Variants in SDR9C7 observed in about 807,000 individuals in gnomAD.
SDR9C7 encodes short chain dehydrogenase/reductase family 9C member 7.
Under a neutral mutation model 23.6 loss-of-function variants are expected in SDR9C7, and 11 were observed. The ratio of observed to expected loss-of-function variants is 0.47; its 90% CI spans 0.29 to 0.77. The LOEUF is 0.77. Ranked by LOEUF, SDR9C7 falls within the 30% of genes least tolerant of loss-of-function variation. The pLI is 0.09. For missense variants in SDR9C7, 387 were observed against 407.1 expected, an observed-to-expected ratio of 0.95 and a Z score of 0.42; for synonymous variants, 167 against 157.3, an observed-to-expected ratio of 1.06 and a Z score of -0.46.
Position 56,923,533 on chromosome 12 carries a change from C to T in SDR9C7, c.*300G>A, listed in dbSNP as rs1955711900. ...CAGGAGCTGGTTTTCTTCTCCATGACTTTTCCAGGACCAGAAAAAGCTGTA... is the reference window on the plus strand; with the variant it reads ...CAGGAGCTGGTTTTCTTCTCCATGATTTTTCCAGGACCAGAAAAAGCTGTA... On this transcript the variant is annotated 3_prime_UTR_variant, in exon 4 of 4. Coordinates refer to ENST00000293502, the MANE Select transcript of SDR9C7 (RefSeq NM_148897.3). 2 of 236,436 alleles carry T rather than the reference C, an allele frequency of 8.5e-6. No homozygotes were observed. The allele number at this position is 236,436 out of a possible 1,614,324, so 14.6% of individuals were successfully genotyped here.
chr12:56,923,959 G>C lies in SDR9C7; in HGVS notation c.816C>G (p.Ser272Arg). The C allele has an allele frequency of 1.2e-6, 2 of 1,614,048 alleles. No homozygotes were observed. The highest frequency in any genetic ancestry group is 1.7e-6 in the Non-Finnish European group (2 of 1,179,904). ...NSMEHAIVSR[S>R]PRIRYNPGLD... Reference sequence around the variant, plus strand: ...GGCCAGGGTTGTAGCGGATGCGAGGGCTCCGGGAAACAATAGCATGCTCCA... The same window carrying C: ...GGCCAGGGTTGTAGCGGATGCGAGGCCTCCGGGAAACAATAGCATGCTCCA... The change falls in exon 4 of 4, where the codon AGC (serine) becomes AGG (arginine). Residue 272 changes from serine to arginine, a missense_variant. Ser to Arg is a moderately radical substitution (Grantham distance 110). Transcript: ENST00000293502.
intron 1 of SDR9C7, among the ~76,000 whole-genome samples, chr12:56,930,722 C>T (rs77318677): frequency 0.019 from 2,843 of 152,298 alleles, 102 homozygotes; most frequent in African/African-American, 0.065. Flanking sequence ...TAGCTACAAT[C>T]GAGGTGTTAG....
In SDR9C7 at chr12:56,934,157, A is replaced by C; in HGVS notation, c.105T>G (p.Ser35=). 2.5e-6 allele frequency: 4 copies of C among 1,614,240 alleles called. No individual in the cohort carries two copies. The highest frequency in any genetic ancestry group is 2.5e-6 in the Non-Finnish European group (3 of 1,180,046). ...EKYVFITGCD[S]GFGNLLAKQL... ...GTTTGGCCAGCAGGTTCCCGAAGCCAGAGTCACAGCCTGTGATGAAGACGT... is the reference window on the plus strand; with the variant it reads ...GTTTGGCCAGCAGGTTCCCGAAGCCCGAGTCACAGCCTGTGATGAAGACGT... Residue 35 remains serine (S), a synonymous_variant, in exon 1 of 4, where the codon TCT becomes TCG. Transcript: ENST00000293502.
intron 3 of SDR9C7, among the ~76,000 whole-genome samples, chr12:56,924,260 C>G (rs536122904): frequency 6.6e-6 from 1 of 151,978 alleles, no homozygotes; most frequent in African/African-American, 2.4e-5. Flanking sequence ...GAAACCCCAT[C>G]TCTACTAAAA....
At chr12:56,926,579 T>C (rs1242949966) in intron 3 of SDR9C7, among the ~76,000 whole-genome samples, 1 of 152,246 alleles carries the variant, frequency 6.6e-6, no homozygotes, top group Non-Finnish European at 1.5e-5. Context: ...GTTCAGCTCT[T>C]ACTGTAGCAG....
intron 3 of SDR9C7, among the ~76,000 whole-genome samples, chr12:56,924,550 T>C (rs956794164): frequency 5.9e-5 from 9 of 152,248 alleles, no homozygotes; most frequent in African/African-American, 2.2e-4. Context: ...GTGCACATTC[T>C]CCTTATAACT....
chr12:56,923,762 C>A lies in SDR9C7; in HGVS notation c.*71G>T, dbSNP rs1955713534. 3.1e-6 allele frequency: 4 copies of A among 1,277,516 alleles called. No homozygotes were observed. Among genetic ancestry groups the A allele is most frequent in the Non-Finnish European group, 4.3e-6 (4 of 920,884 alleles). The allele number at this position is 1,277,516 out of a possible 1,614,324, so 79.1% of individuals were successfully genotyped here. On this transcript the variant is annotated 3_prime_UTR_variant, in exon 4 of 4. Coordinates refer to ENST00000293502, the MANE Select transcript of SDR9C7 (RefSeq NM_148897.3). ...ATGCCCCCAGGATAACCGATACCAC[C>A]TTTTGTGACCCCACGGTCCTTCCTT...
At chr12:56,926,398 C>T (rs1955733868) in intron 3 of SDR9C7, among the ~76,000 whole-genome samples, 1 of 152,220 alleles carries the variant, frequency 6.6e-6, no homozygotes, top group Non-Finnish European at 1.5e-5. Context: ...TGACACAAAT[C>T]TGATCCTTCA....
At chr12:56,927,314 T>A (rs1955740958) in intron 3 of SDR9C7, among the ~76,000 whole-genome samples, 1 of 152,232 alleles carries the variant, frequency 6.6e-6, no homozygotes, top group Admixed American at 6.5e-5. Context: ...AATGACTTTG[T>A]GAGGTTTCCA....
rs532209855 is a variant in SDR9C7, at chr12:56,924,843, C to T, written c.725-793G>A. On this transcript the variant is annotated intron_variant, in intron 3 of 3. Transcript: ENST00000293502. ...GGCTGAGGCATGACAATCACTTGAA[C>T]TCAGGAGTGGGAGGTTGCAGTGACC... 1.8e-4 allele frequency among the ~76,000 whole-genome samples: 28 copies of T among 152,290 alleles called. No individual in the cohort carries two copies. The East Asian group carries it at 5.2e-3, about 28-fold the overall frequency.
intron 3 of SDR9C7, among the ~76,000 whole-genome samples, chr12:56,929,073 G>A (rs951803586): frequency 2.6e-5 from 4 of 152,170 alleles, no homozygotes. Context: ...AACCCAGGCA[G>A]TCCGGCTCCA....
In SDR9C7 at chr12:56,930,472, A is replaced by T. The variant is rs1048980159; in HGVS notation, c.314T>A (p.Leu105Gln). 14 of 1,614,130 alleles carry T rather than the reference A, an allele frequency of 8.7e-6. No homozygotes were observed. Among genetic ancestry groups the T allele is most frequent in the Non-Finnish European group, 1.2e-5 (14 of 1,179,976 alleles). Residue 105 changes from leucine (L) to glutamine (Q), a missense_variant, in exon 2 of 4, where the codon CTG becomes CAG. Physicochemically the swap from Leu to Gln is moderately radical, Grantham distance 113. Transcript: ENST00000293502. ...DKVGEQGLWALVNNAGVGLPS... is the reference protein window; with the variant it reads ...DKVGEQGLWAQVNNAGVGLPS... The stretch of plus-strand genomic sequence containing the variant: ...CAGGCCCACACCAGCATTGTTCACC[A>T]GGGCCCAGAGGCCTGGGGGTGAGAT...
chr12:56,932,027 T>G (rs886586179), intron 1 of SDR9C7, among the ~76,000 whole-genome samples: 14 of 152,208 alleles, frequency 9.2e-5, no homozygotes, highest in Non-Finnish European at 7.3e-5. Context: ...TTCCCAGTGT[T>G]TCTTAGACCA....
At chr12:56,933,621 G>C (rs1955780400) in intron 1 of SDR9C7, among the ~76,000 whole-genome samples, 2 of 152,192 alleles carry the variant, frequency 1.3e-5, no homozygotes, top group Admixed American at 1.3e-4. Flanking sequence ...GCCTTCCAAA[G>C]TGCTGGGCTC....
intron 1 of SDR9C7, 94 bp downstream of exon 1, chr12:56,933,867 G>A (rs1955782028): frequency 2.1e-6 from 3 of 1,427,376 alleles, no homozygotes; most frequent in Non-Finnish European, 2.8e-6. Flanking sequence ...CACCCAATCT[G>A]GACATCAGGG....
rs747549702 is a variant in SDR9C7 at position 56,933,993 on chromosome 12, G to T, written c.269C>A (p.Ala90Asp). The part of the protein sequence containing the change: ...VTKSESIKAA[A>D]QWVRDKVGEQ... ...GCCCACTTTGTCCCTCACCCACTGG[G>T]CCGCCGCCTTGATGCTTTCGCTCTT... Residue 90 changes from alanine (A) to aspartate (D), a missense_variant, in exon 1 of 4, where the codon GCC (alanine) becomes GAC (aspartate). By Grantham distance (126) the Ala-to-Asp change is moderately radical (BLOSUM62 -2). Coordinates refer to ENST00000293502, the MANE Select transcript of SDR9C7 (RefSeq NM_148897.3). 3 of 1,611,042 alleles carry T rather than the reference G, an allele frequency of 1.9e-6. No individual in the cohort carries two copies. The African/African-American group carries it at 4.0e-5, about 22-fold the overall frequency.
At chr12:56,929,018 T>C (rs756335899) in intron 3 of SDR9C7, among the ~76,000 whole-genome samples, 5 of 152,174 alleles carry the variant, frequency 3.3e-5, no homozygotes, top group Non-Finnish European at 7.4e-5. Flanking sequence ...AACTAGGTAA[T>C]AGGTCCAAAG....
At position 56,929,493 on chromosome 12, in the gene SDR9C7, T is replaced by C. The variant is rs987312797; in HGVS notation, c.621A>G (p.Thr207=). The C allele has an allele frequency of 4.8e-5, 77 of 1,613,640 alleles. No individual in the cohort carries two copies. Among genetic ancestry groups the C allele is most frequent in the Non-Finnish European group, 6.4e-5 (75 of 1,179,654 alleles). Residue 207 remains threonine, a synonymous_variant, in exon 3 of 4, where the codon ACA becomes ACG. Coordinates refer to ENST00000293502, the MANE Select transcript of SDR9C7 (RefSeq NM_148897.3). ...CCAGGTTCTCCTTGCCGAGAATGGC[T>C]GTCCGATAGTTCCCTGGCTCAATGA... The part of the protein sequence containing the change: ...VCIIEPGNYR[T]AILGKENLES...
At chr12:56,930,712 T>C (rs840160) in intron 1 of SDR9C7, among the ~76,000 whole-genome samples, 41,545 of 152,210 alleles carry the variant, frequency 0.27, 7,388 homozygotes, top group African/African-American at 0.5. Flanking sequence ...CGCTCTGTAC[T>C]AGCTACAATC....
Sources: allele counts gnomAD v4.1 joint callset (sites outside exome capture counted in the v4.1 genomes callset), GRCh38; gene constraint gnomAD v4.1.1; transcripts MANE v1.5; gene names NCBI Gene and HGNC (gene_info 2026-07-23, HGNC 2026-07-21).